SNTG1: variants seen among roughly 807,000 people sequenced by gnomAD.
The protein encoded by SNTG1 is gamma-1-syntrophin.
In SNTG1, 39 loss-of-function variants were observed where a neutral mutation model predicts 74.7. That is an observed-to-expected ratio of 0.52 (90% confidence interval 0.40 to 0.68). The LOEUF (loss-of-function observed/expected upper bound fraction) is 0.68, where lower values mean the gene tolerates loss of function less well. Ranked by LOEUF, SNTG1 falls within the 30% of genes least tolerant of loss-of-function variation. The pLI, the probability that SNTG1 is intolerant of heterozygous loss-of-function variation, is 0.00. For missense variants in SNTG1, 685 were observed against 609.5 expected (o/e 1.12, Z -1.30); for synonymous variants, 254 against 217.1 (o/e 1.17, Z -1.49).
chr8:50,777,568 T>C (rs2095644603), intron 18 of SNTG1, among the ~76,000 whole-genome samples: 1 of 151,828 alleles, frequency 6.6e-6, no homozygotes, highest in East Asian at 1.9e-4. Context: ...GGAACAATTT[T>C]GTTGTGACTA....
chr8:49,928,450 C>T (rs965657269), intron 1 of SNTG1, among the ~76,000 whole-genome samples: 5 of 151,884 alleles, frequency 3.3e-5, no homozygotes, highest in Non-Finnish European at 7.4e-5. Flanking sequence ...AGGCTGCTCT[C>T]GAACTCCTAA....
intron 12 of SNTG1, among the ~76,000 whole-genome samples, chr8:50,566,933 A>T (rs1006695631): frequency 3.7e-4 from 56 of 152,162 alleles, no homozygotes; most frequent in African/African-American, 1.3e-3. Flanking sequence ...CCCTTATATG[A>T]TGCTGAAACA....
chr8:50,771,276 C>A (rs1193613746), intron 18 of SNTG1, among the ~76,000 whole-genome samples: 1 of 151,964 alleles, frequency 6.6e-6, no homozygotes, highest in East Asian at 1.9e-4. Flanking sequence ...GTGGTCAGGA[C>A]CAAAATGCCA....
intron 2 of SNTG1, among the ~76,000 whole-genome samples, chr8:50,363,179 A>G (rs1288788690): frequency 6.6e-6 from 1 of 152,226 alleles, no homozygotes; most frequent in African/African-American, 2.4e-5. Context: ...CACTTTAGTC[A>G]ATCTTTTACC....
At chr8:49,938,603 T>TTTTCTTTCTTTCTTCTTTC (rs1808367336) in intron 1 of SNTG1, among the ~76,000 whole-genome samples, 1 of 74,754 alleles carries the variant, frequency 1.3e-5, no homozygotes, top group African/African-American at 4.5e-5. Context: ...TTTTCTTTTC[T>TTTTCTTTCTTTCTTCTTTC]TTTCTTTCTT....
At chr8:49,932,594 G>A (rs568188440) in intron 1 of SNTG1, among the ~76,000 whole-genome samples, 2 of 151,532 alleles carry the variant, frequency 1.3e-5, no homozygotes, top group East Asian at 1.9e-4. Flanking sequence ...TTTGATCCCT[G>A]TTGTTTTTTT....
intron 2 of SNTG1, among the ~76,000 whole-genome samples, chr8:50,295,675 T>C (rs909046995): frequency 6.6e-6 from 1 of 152,202 alleles, no homozygotes; most frequent in African/African-American, 2.4e-5. Context: ...GAAATTTAAC[T>C]ATTCTCATTG....
At chr8:50,607,236 A>G (rs2094819254) in intron 13 of SNTG1, among the ~76,000 whole-genome samples, 2 of 151,868 alleles carry the variant, frequency 1.3e-5, no homozygotes, top group Admixed American at 1.3e-4. Context: ...AGATTGAATG[A>G]GAAAGCATTT....
chr8:50,260,355 G>A (rs1448378092), intron 2 of SNTG1, among the ~76,000 whole-genome samples: 1 of 152,076 alleles, frequency 6.6e-6, no homozygotes, highest in Non-Finnish European at 1.5e-5. Context: ...AGACTGAAAA[G>A]GATTTGTTAA....
Position 50,052,246 on chromosome 8 carries a change from CTT to C in SNTG1, c.-102-120314_-102-120313del, listed in dbSNP as rs1362675933. ...TACACATGTAAATTAATAGAGTAAA[CTT>C]GGGAGTTTAGAAATACAGTTTTACA... On this transcript the variant is annotated intron_variant, in intron 1 of 18. Transcript: ENST00000642720. 3.3e-5 allele frequency among the ~76,000 whole-genome samples: 5 copies of C among 152,000 alleles called. No individual in the cohort carries two copies. The South Asian group carries it at 6.2e-4, about 19-fold the overall frequency.
At chr8:50,243,724 T>C (rs555025662) in intron 2 of SNTG1, among the ~76,000 whole-genome samples, 1 of 152,220 alleles carries the variant, frequency 6.6e-6, no homozygotes, top group South Asian at 2.1e-4. Context: ...TACACACAGA[T>C]TACATGTTCT....
intron 1 of SNTG1, among the ~76,000 whole-genome samples, chr8:50,036,853 C>T (rs911112682): frequency 2.6e-5 from 4 of 152,136 alleles, no homozygotes; most frequent in African/African-American, 7.2e-5. Flanking sequence ...TGTATTCTAA[C>T]AGTAGGCATT....
At chr8:50,281,992 C>G (rs927616921) in intron 2 of SNTG1, among the ~76,000 whole-genome samples, 1 of 152,154 alleles carries the variant, frequency 6.6e-6, no homozygotes, top group Admixed American at 6.6e-5. Context: ...CTTGGACAAG[C>G]ACTGCCATTT....
intron 2 of SNTG1, among the ~76,000 whole-genome samples, chr8:50,238,339 A>G (rs2086011066): frequency 6.6e-6 from 1 of 152,190 alleles, no homozygotes. Context: ...ATTAAGTCAC[A>G]CAGCAACAGC....
chr8:50,243,959 C>T (rs1176358613), intron 2 of SNTG1, among the ~76,000 whole-genome samples: 1 of 152,078 alleles, frequency 6.6e-6, no homozygotes. Context: ...TTAGACCATT[C>T]TTGCATTGCT....
intron 1 of SNTG1, among the ~76,000 whole-genome samples, chr8:49,984,231 GAT>G (rs1158199499): frequency 6.6e-6 from 1 of 151,778 alleles, no homozygotes; most frequent in Non-Finnish European, 1.5e-5. Context: ...GTGAGACAGA[GAT>G]TTACTCTTGT....
chr8:50,053,990 C>G (rs757276791), intron 1 of SNTG1, among the ~76,000 whole-genome samples: 1 of 152,000 alleles, frequency 6.6e-6, no homozygotes, highest in Non-Finnish European at 1.5e-5. Flanking sequence ...CTCAAGCAAT[C>G]CAGAAAAATT....
At chr8:50,588,027 G>A (rs567986387) in intron 12 of SNTG1, among the ~76,000 whole-genome samples, 1 of 151,936 alleles carries the variant, frequency 6.6e-6, no homozygotes, top group East Asian at 1.9e-4. Flanking sequence ...GGCTGAGGCA[G>A]GAGAATCGCT....
intron 2 of SNTG1, among the ~76,000 whole-genome samples, chr8:50,315,709 C>T (rs1331489560): frequency 4.3e-5 from 6 of 138,098 alleles, no homozygotes; most frequent in African/African-American, 1.8e-4. Flanking sequence ...AGTGAATATG[C>T]CTTCCTAACA....
Sources: allele counts gnomAD v4.1 joint callset (sites outside exome capture counted in the v4.1 genomes callset), GRCh38; gene constraint gnomAD v4.1.1; transcripts MANE v1.5; gene names NCBI Gene and HGNC (gene_info 2026-07-23, HGNC 2026-07-21).